The following SAMD5 variants were observed in gnomAD, a reference collection of about 807,000 sequenced individuals.
SAMD5 encodes the protein sterile alpha motif domain-containing protein 5.
SAMD5 carries 13 observed loss-of-function variants against 11.3 expected under a neutral mutation model. That is an observed-to-expected ratio of 1.15 (90% CI 0.75 to 1.83). The LOEUF is 1.83. Among genes scored for constraint, SAMD5 ranks in the 40% most tolerant of loss-of-function variants. The pLI is 0.00. For synonymous variants in SAMD5, 129 were observed against 111.3 expected (o/e 1.16, Z -1.00); for missense variants, 255 against 239.1 (o/e 1.07, Z -0.44).
intron 1 of SAMD5, among the ~76,000 whole-genome samples, chr6:147,524,527 T>C (rs1398829538): frequency 6.6e-6 from 1 of 151,990 alleles, no homozygotes; most frequent in African/African-American, 2.4e-5. Context: ...ATTTCATTGA[T>C]TGTAATAATT....
the SAMD5 span, among the ~76,000 whole-genome samples, chr6:147,773,166 C>T: frequency 1.3e-5 from 2 of 152,276 alleles, no homozygotes; most frequent in African/African-American, 4.8e-5. Flanking sequence ...CTGGCTCTGC[C>T]TGATTTTGCA....
chr6:147,648,361 C>T (rs138592136), intron 1 of SAMD5, among the ~76,000 whole-genome samples: 54 of 152,312 alleles, frequency 3.5e-4, no homozygotes, highest in African/African-American at 1.2e-3. Flanking sequence ...ATCATGAGAA[C>T]AGCATGTGGG....
At chr6:147,729,017 G>A (rs3905200) in intron 1 of SAMD5, among the ~76,000 whole-genome samples, 109,094 of 152,102 alleles carry the variant, frequency 0.72, 39,329 homozygotes, top group Middle Eastern at 0.81. Context: ...TTATTTGTTC[G>A]CAGTTCTGGA....
At chr6:147,573,852 C>A (rs796260430), downstream of SAMD5, among the ~76,000 whole-genome samples, 33 of 152,216 alleles carry the variant, frequency 2.2e-4, no homozygotes, top group African/African-American at 7.9e-4. Context: ...TTGCCAGGCA[C>A]GGTGGCTCAC....
intron 1 of SAMD5, among the ~76,000 whole-genome samples, chr6:147,698,209 ACCTGTCTGTGGCC>A (rs1223308605): frequency 5.9e-5 from 9 of 151,816 alleles, no homozygotes; most frequent in Non-Finnish European, 1.3e-4. Flanking sequence ...ACAGACCGGT[ACCTGTCTGTGGCC>A]CCGGGGTTGG....
chr6:147,609,733 T>C (rs1789754195), intron 1 of SAMD5, among the ~76,000 whole-genome samples: 1 of 151,756 alleles, frequency 6.6e-6, no homozygotes, highest in African/African-American at 2.4e-5. Context: ...ATTTTTTGAA[T>C]GTTTAGTAGA....
chr6:147,898,270 TA>T, the SAMD5 span, among the ~76,000 whole-genome samples: 5 of 151,602 alleles, frequency 3.3e-5, no homozygotes, highest in Admixed American at 6.6e-5. Flanking sequence ...CTACTCCCTT[TA>T]AAAAAAAATC....
intron 1 of SAMD5, among the ~76,000 whole-genome samples, chr6:147,624,572 T>G (rs1487000449): frequency 6.6e-6 from 1 of 152,232 alleles, no homozygotes; most frequent in Admixed American, 6.5e-5. Context: ...ATCCATTCCT[T>G]TTTATGGCTG....
At chr6:147,664,493 C>T (rs1790689622) in intron 1 of SAMD5, among the ~76,000 whole-genome samples, 1 of 152,100 alleles carries the variant, frequency 6.6e-6, no homozygotes, top group African/African-American at 2.4e-5. Context: ...ATTTCTGATC[C>T]TGTCATGGAA....
At chr6:147,532,005 C>G (rs1407873121) in intron 1 of SAMD5, among the ~76,000 whole-genome samples, 1 of 152,000 alleles carries the variant, frequency 6.6e-6, no homozygotes, top group African/African-American at 2.4e-5. Flanking sequence ...AATAGGATCA[C>G]AAAAGAGATA....
the SAMD5 span, among the ~76,000 whole-genome samples, chr6:147,948,170 T>TA: frequency 6.6e-6 from 1 of 152,118 alleles, no homozygotes; most frequent in Non-Finnish European, 1.5e-5. Flanking sequence ...TTCTATAAAT[T>TA]AGTGACTGAG....
At chr6:147,676,992 T>C (rs181429613) in intron 1 of SAMD5, among the ~76,000 whole-genome samples, 75 of 151,972 alleles carry the variant, frequency 4.9e-4, no homozygotes, top group Non-Finnish European at 9.4e-4. Context: ...CTGGCTTTGC[T>C]CAATCAAAGG....
chr6:147,795,069 T>TTTA, the SAMD5 span, among the ~76,000 whole-genome samples: 1,843 of 151,606 alleles, frequency 0.012, 47 homozygotes, highest in African/African-American at 0.042. Flanking sequence ...CCTATTTTTT[T>TTTA]TTATTATTAT....
At chr6:147,547,294 G>A (rs907071319) in intron 1 of SAMD5, among the ~76,000 whole-genome samples, 1 of 152,222 alleles carries the variant, frequency 6.6e-6, no homozygotes, top group Non-Finnish European at 1.5e-5. Context: ...CAAGCCTCAA[G>A]CTTGACTGGA....
Position 147,509,305 on chromosome 6 carries a change from C to A in SAMD5, c.377C>A (p.Pro126His). The A allele has an allele frequency of 6.3e-7, 1 of 1,579,302 alleles. No homozygotes were observed. The highest frequency in any genetic ancestry group is 1.2e-5 in the South Asian group (1 of 86,582). ...APRSRELVSY[P>H]KLKLKIMIRD... ...CGCAGCAGGGAGCTGGTGAGCTACC[C>A]CAAACTGAAGCTGAAGATCATGATC... is the stretch of plus-strand genomic sequence containing the variant. Residue 126 changes from proline to histidine, a missense_variant, in exon 1 of 2, where the codon CCC (proline) becomes CAC (histidine). Coordinates refer to ENST00000367474, the MANE Select transcript of SAMD5 (RefSeq NM_001030060.3).
At chr6:147,724,591 A>G (rs1021921205) in intron 1 of SAMD5, among the ~76,000 whole-genome samples, 1 of 152,168 alleles carries the variant, frequency 6.6e-6, no homozygotes, top group Non-Finnish European at 1.5e-5. Context: ...AAAATGTGCA[A>G]CTGAAAAAGT....
chr6:147,776,239 G>A, the SAMD5 span, among the ~76,000 whole-genome samples: 2 of 152,290 alleles, frequency 1.3e-5, no homozygotes, highest in Admixed American at 6.5e-5. Context: ...TGGAAAATGT[G>A]ACAGGAAGCT....
chr6:147,762,882 G>A, the SAMD5 span, among the ~76,000 whole-genome samples: 1 of 152,176 alleles, frequency 6.6e-6, no homozygotes, highest in South Asian at 2.1e-4. Flanking sequence ...GGAGTTTGTA[G>A]CTGAGCAGTT....
At chr6:147,805,176 C>A in the SAMD5 span, among the ~76,000 whole-genome samples, 1 of 152,210 alleles carries the variant, frequency 6.6e-6, no homozygotes, top group Admixed American at 6.5e-5. Flanking sequence ...GAGTCTAACA[C>A]CTTCAGTGTC....
Sources: allele counts gnomAD v4.1 joint callset (sites outside exome capture counted in the v4.1 genomes callset), GRCh38; gene constraint gnomAD v4.1.1; transcripts MANE v1.5; gene names NCBI Gene and HGNC (gene_info 2026-07-23, HGNC 2026-07-21).